TMEM217B: variants seen among roughly 807,000 people sequenced by gnomAD.
The protein encoded by TMEM217B is putative transmembrane protein 217B.
chr6:37,255,683 C>CAAA, the TMEM217B span, among the ~76,000 whole-genome samples: 2 of 102,456 alleles, frequency 2.0e-5, no homozygotes, highest in African/African-American at 7.0e-5. Flanking sequence ...GACCTGGTCT[C>CAAA]AAAAAAAAAA....
the TMEM217B span, among the ~76,000 whole-genome samples, chr6:37,217,337 A>G: frequency 6.6e-6 from 1 of 152,226 alleles, no homozygotes; most frequent in African/African-American, 2.4e-5. Context: ...ACCTGAATGC[A>G]AAGTGATGTC....
chr6:37,241,099 C>CTTT, the TMEM217B span, among the ~76,000 whole-genome samples: 414 of 132,894 alleles, frequency 3.1e-3, 6 homozygotes, highest in African/African-American at 0.01. Flanking sequence ...AAGTATTACT[C>CTTT]TTTTTTTTTT....
the TMEM217B span, chr6:37,212,360 G>C: frequency 0.11 from 39,905 of 368,750 alleles, 2,427 homozygotes; most frequent in Admixed American, 0.14. Flanking sequence ...GGTAGGGAGG[G>C]TTCCATTGTT....
the TMEM217B span, among the ~76,000 whole-genome samples, chr6:37,223,895 T>C: frequency 1.3e-5 from 2 of 151,462 alleles, no homozygotes; most frequent in South Asian, 2.1e-4. Context: ...CATAGCTCAC[T>C]GCAGCCTCAA....
the TMEM217B span, chr6:37,218,437 A>C: frequency 6.2e-7 from 1 of 1,607,120 alleles, no homozygotes; most frequent in East Asian, 2.2e-5. Flanking sequence ...TCTGCCTCTC[A>C]AAGTACTGGG....
chr6:37,251,210 A>T, the TMEM217B span, among the ~76,000 whole-genome samples: 1 of 152,212 alleles, frequency 6.6e-6, no homozygotes, highest in Non-Finnish European at 1.5e-5. Flanking sequence ...TTCATGTCAG[A>T]CAGGTAATGT....
At chr6:37,224,103 A>AT in the TMEM217B span, among the ~76,000 whole-genome samples, 3 of 150,254 alleles carry the variant, frequency 2.0e-5, no homozygotes, top group Admixed American at 1.3e-4. Flanking sequence ...TGCCTGGCTC[A>AT]TTTTTTTGTA....
At chr6:37,256,154 G>GT in the TMEM217B span, among the ~76,000 whole-genome samples, 1 of 152,206 alleles carries the variant, frequency 6.6e-6, no homozygotes, top group Non-Finnish European at 1.5e-5. Context: ...AAAGTGGCAG[G>GT]TATCTTGTCA....
chr6:37,218,189 G>C, the TMEM217B span: 2 of 1,194,510 alleles, frequency 1.7e-6, no homozygotes, highest in Non-Finnish European at 2.1e-6. Context: ...TTTTTTTGGG[G>C]GACAGAGTCT....
chr6:37,218,955 C>T, the TMEM217B span: 17 of 1,614,194 alleles, frequency 1.1e-5, no homozygotes, highest in African/African-American at 4.0e-5. Context: ...TACATGTCTA[C>T]GGCCATGATG....
the TMEM217B span, among the ~76,000 whole-genome samples, chr6:37,224,776 T>C: frequency 6.6e-6 from 1 of 152,028 alleles, no homozygotes; most frequent in East Asian, 1.9e-4. Flanking sequence ...TTTTTCAAGA[T>C]TGAGAGCACA....
At chr6:37,216,692 C>T in the TMEM217B span, among the ~76,000 whole-genome samples, 2 of 152,038 alleles carry the variant, frequency 1.3e-5, no homozygotes, top group Non-Finnish European at 2.9e-5. Context: ...TTTGACTGTC[C>T]CCTTCAAAAT....
chr6:37,222,718 G>C, the TMEM217B span, among the ~76,000 whole-genome samples: 2 of 152,252 alleles, frequency 1.3e-5, no homozygotes, highest in Admixed American at 6.5e-5. Context: ...CGCCCAAGAG[G>C]GCGGGACTTC....
At chr6:37,215,410 A>G in the TMEM217B span, 1 of 1,160,582 alleles carries the variant, frequency 8.6e-7, no homozygotes, top group South Asian at 1.6e-5. Flanking sequence ...CCCCATCTCT[A>G]CTAAAGATAC....
chr6:37,226,312 A>G, the TMEM217B span, among the ~76,000 whole-genome samples: 1 of 26,444 alleles, frequency 3.8e-5, no homozygotes, highest in Non-Finnish European at 6.9e-5. Flanking sequence ...TTTTTTTTTG[A>G]GACAGAGTCT....
At chr6:37,257,509 A>C in the TMEM217B span, 1 of 199,780 alleles carries the variant, frequency 5.0e-6, no homozygotes, top group Non-Finnish European at 1.0e-5. Flanking sequence ...AGACTAAGGA[A>C]CTTCATTCCT....
chr6:37,237,456 G>C, the TMEM217B span, among the ~76,000 whole-genome samples: 2 of 152,148 alleles, frequency 1.3e-5, no homozygotes, highest in East Asian at 3.8e-4. Flanking sequence ...ACAACACAAG[G>C]CAAGTCGTTT....
chr6:37,227,107 C>A, the TMEM217B span, among the ~76,000 whole-genome samples: 1 of 152,188 alleles, frequency 6.6e-6, no homozygotes, highest in African/African-American at 2.4e-5. Flanking sequence ...AAAACTGACT[C>A]ACTTGTCTTC....
the TMEM217B span, among the ~76,000 whole-genome samples, chr6:37,241,563 G>A: frequency 1.3e-5 from 2 of 152,256 alleles, no homozygotes; most frequent in Admixed American, 1.3e-4. Context: ...GCTGGCATGA[G>A]GCAGCTGTCA....
Sources: gnomAD v4.1 joint callset for allele counts (sites outside exome capture counted in the v4.1 genomes callset) on GRCh38, gnomAD v4.1.1 for gene constraint, MANE v1.5 for transcripts, NCBI Gene and HGNC (gene_info 2026-07-23, HGNC 2026-07-21) for gene names.